The following PIK3CG variants were observed in gnomAD, a reference collection of about 807,000 sequenced individuals.
The protein encoded by PIK3CG is phosphatidylinositol 4,5-bisphosphate 3-kinase catalytic subunit gamma isoform.
Under a neutral mutation model 102.3 loss-of-function variants are expected in PIK3CG, and 55 were observed. The ratio of observed to expected loss-of-function variants is 0.54; its 90% CI spans 0.43 to 0.67. The LOEUF is 0.67. Ranked by LOEUF, PIK3CG falls within the 30% of genes least tolerant of loss-of-function variation. The pLI, the probability that PIK3CG is intolerant of heterozygous loss-of-function variation, is 0.00. For synonymous variants in PIK3CG, 552 were observed against 540.0 expected, an observed-to-expected ratio of 1.02 and a Z score of -0.31; for missense variants, 1,258 against 1,391.8, an observed-to-expected ratio of 0.90 and a Z score of 1.53.
At chr7:106,870,894 A>G (rs1007564784) in intron 2 of PIK3CG, among the ~76,000 whole-genome samples, 2 of 152,214 alleles carry the variant, frequency 1.3e-5, no homozygotes, top group African/African-American at 4.8e-5. Flanking sequence ...ACACTAAAGA[A>G]TTTTAGAATA....
At position 106,867,945 on chromosome 7, in the gene PIK3CG, G is replaced by A. The variant is rs201301560; in HGVS notation, c.384G>A (p.Thr128=). 2.5e-6 allele frequency: 4 copies of A among 1,613,150 alleles called. No individual in the cohort carries two copies. In the East Asian group the frequency reaches 6.7e-5, roughly 27 times the overall value. ...ACTGCCTGCGCTACTGGAAGGCCACGCACCGGAGCCCGGGCCAGATCCACC... is the reference window on the plus strand; with the variant it reads ...ACTGCCTGCGCTACTGGAAGGCCACACACCGGAGCCCGGGCCAGATCCACC... ...TLDCLRYWKA[T]HRSPGQIHLV... Residue 128 remains threonine, a synonymous_variant, in exon 2 of 11, where the codon ACG becomes ACA. Coordinates refer to ENST00000496166, the MANE Select transcript of PIK3CG (RefSeq NM_001282426.2). This position sits in a 1 kb window ranked among gnomAD's most constrained non-coding sequence, Gnocchi z 5.1.
At chr7:106,882,999 C>T in intron 7 of PIK3CG, 34 bp from the exon 8 acceptor site, 1 of 1,609,904 alleles carries the variant, frequency 6.2e-7, no homozygotes. Context: ...TACTGGCCCC[C>T]AATCTCCATC....
intron 10 of PIK3CG, among the ~76,000 whole-genome samples, chr7:106,896,902 A>G (rs1584346377): frequency 6.6e-6 from 1 of 152,178 alleles, no homozygotes; most frequent in East Asian, 1.9e-4. Flanking sequence ...CCTGACCTCA[A>G]TTATCATTGC....
rs777927009 is a variant in PIK3CG at position 106,899,524 on chromosome 7, T to C, written c.3031-5585T>C. 3.9e-5 allele frequency among the ~76,000 whole-genome samples: 6 copies of C among 152,234 alleles called. No homozygotes were observed. Among genetic ancestry groups the C allele is most frequent in the Non-Finnish European group, 7.3e-5 (5 of 68,030 alleles). ...TTGTCATAAATGGCTCTCATTATTT[T>C]GAGATATGTTCCTTCAATACCTAGT... On this transcript the variant is annotated intron_variant, in intron 10 of 10. Transcript: ENST00000496166. This position sits in a 1 kb window ranked among gnomAD's most constrained non-coding sequence, Gnocchi z 4.6.
At chr7:106,882,849 C>A in intron 7 of PIK3CG, 184 bp from the exon 8 acceptor site, 1 of 518,610 alleles carries the variant, frequency 1.9e-6, no homozygotes. Flanking sequence ...ACTTCCATAT[C>A]CTCCTTCTTT....
rs2116465915 is a variant in PIK3CG, at chr7:106,869,441, C to T, written c.1880C>T (p.Thr627Ile). Residue 627 changes from threonine to isoleucine, a missense_variant, in exon 2 of 11, where the codon ACA becomes ATA. Physicochemically the swap from Thr to Ile is moderately conservative, Grantham distance 89. This residue lies in a region of PIK3CG where 426 missense variants were observed against 604.2 expected (regional missense o/e 0.71). Coordinates refer to ENST00000496166, the MANE Select transcript of PIK3CG (RefSeq NM_001282426.2). The surrounding 1 kb of genome is among the most constrained non-coding windows in gnomAD (Gnocchi z 5.3). ...CAAAGTGCTTTGGATGTTGGGTTAA[C>T]AATGCAGCTCCTGGACTGCAACTTC... ...WDQSALDVGL[T>I]MQLLDCNFSD... The T allele has an allele frequency of 6.2e-7, 1 of 1,614,170 alleles. No homozygotes were observed. Among genetic ancestry groups the T allele is most frequent in the Non-Finnish European group, 8.5e-7 (1 of 1,180,028 alleles).
At chr7:106,882,278 G>C in intron 7 of PIK3CG, 71 bp downstream of exon 7, 1 of 655,062 alleles carries the variant, frequency 1.5e-6, no homozygotes, top group Non-Finnish European at 2.6e-6. Context: ...CTTCAGTGTA[G>C]ACATTTAATA....
In PIK3CG at chr7:106,905,229, A is replaced by G. The variant is rs2116618394; in HGVS notation, c.3151A>G (p.Ile1051Val). The G allele has an allele frequency of 4.3e-6, 7 of 1,614,190 alleles. No homozygotes were observed. The highest frequency in any genetic ancestry group is 5.9e-6 in the Non-Finnish European group (7 of 1,180,010). ...AACAAGCAAAGAAGACATTGAATAT[A>G]TCCGGGATGCCCTCACAGTGGGGAA... is the stretch of plus-strand genomic sequence containing the variant. ...QLTSKEDIEYIRDALTVGKNE... is the reference protein window; with the variant it reads ...QLTSKEDIEYVRDALTVGKNE... Residue 1051 changes from isoleucine (I) to valine (V), a missense_variant, in exon 11 of 11, where the codon ATC becomes GTC. Coordinates refer to ENST00000496166, the MANE Select transcript of PIK3CG (RefSeq NM_001282426.2). The surrounding 1 kb of genome is among the most constrained non-coding windows in gnomAD (Gnocchi z 5.6).
chr7:106,905,791 C>A lies in PIK3CG; in HGVS notation c.*404C>A. 1 of 261,074 alleles carries A rather than the reference C, an allele frequency of 3.8e-6. No individual in the cohort carries two copies. Among genetic ancestry groups the A allele is most frequent in the Non-Finnish European group, 7.3e-6 (1 of 136,428 alleles). 16.2% of individuals were successfully genotyped at this position (261,074 alleles called of 1,614,324 possible). ...TTTGGTTATCTTTGTGTTCCTCAAG[C>A]TCTTTAAAGAAAAAGATGTAATCGT... On this transcript the variant is annotated 3_prime_UTR_variant, in exon 11 of 11. Transcript: ENST00000496166. This position sits in a 1 kb window ranked among gnomAD's most constrained non-coding sequence, Gnocchi z 5.6.
intron 10 of PIK3CG, among the ~76,000 whole-genome samples, chr7:106,896,005 T>C (rs991567708): frequency 6.6e-6 from 1 of 152,250 alleles, no homozygotes; most frequent in African/African-American, 2.4e-5. Context: ...CTCGACACTG[T>C]GTTTGACAAG....
chr7:106,884,936 C>A lies in PIK3CG; in HGVS notation c.2872+670C>A, dbSNP rs1007779331. 8.5e-5 allele frequency among the ~76,000 whole-genome samples: 13 copies of A among 152,184 alleles called. No individual in the cohort carries two copies. The highest frequency in any genetic ancestry group is 2.4e-4 in the African/African-American group (10 of 41,444). On this transcript the variant is annotated intron_variant, in intron 9 of 10. Transcript: ENST00000496166. This position sits in a 1 kb window ranked among gnomAD's most constrained non-coding sequence, Gnocchi z 4.2. ...GCATTAGATTCTCATAAGGGGTGCACAGTCTAGATCTTTCTCGTGCACAGT... is the reference window on the plus strand; with the variant it reads ...GCATTAGATTCTCATAAGGGGTGCAAAGTCTAGATCTTTCTCGTGCACAGT...
rs1166952444 is a variant in PIK3CG at position 106,894,832 on chromosome 7, T to C, written c.3030+8540T>C. 6.6e-6 allele frequency among the ~76,000 whole-genome samples: 1 copy of C among 152,192 alleles called. No individual in the cohort carries two copies. Among genetic ancestry groups the C allele is most frequent in the Non-Finnish European group, 1.5e-5 (1 of 68,022 alleles). On this transcript the variant is annotated intron_variant, in intron 10 of 10. Transcript: ENST00000496166. This position sits in a 1 kb window ranked among gnomAD's most constrained non-coding sequence, Gnocchi z 4.4. The stretch of plus-strand genomic sequence containing the variant: ...AGCTCATCAGTGGTTAATAAATTAG[T>C]AGATTGTATATAAAAGTAGTTTGTT...
At position 106,882,223 on chromosome 7, in the gene PIK3CG, AG is replaced by A; in HGVS notation, c.2629+18del. Reference sequence around the variant, plus strand: ...GACAAAATAGGTATGTAGTTACCTCAGGAGATGAATAGACCTCTCAGCTCGT... The same window carrying A: ...GACAAAATAGGTATGTAGTTACCTCAGAGATGAATAGACCTCTCAGCTCGT... On this transcript the variant is annotated intron_variant, in intron 7 of 10. Coordinates refer to ENST00000496166, the MANE Select transcript of PIK3CG (RefSeq NM_001282426.2). 7.5e-7 allele frequency: 1 copy of A among 1,341,082 alleles called. No homozygotes were observed. The highest frequency in any genetic ancestry group is 2.0e-5 in the Admixed American group (1 of 50,490). 83.1% of individuals were successfully genotyped at this position (1,341,082 alleles called of 1,614,324 possible). A position where few individuals can be genotyped will look rare whatever the true frequency, so the allele number is the denominator to read the frequency against.
At chr7:106,882,573 C>T (rs1010640976) in intron 7 of PIK3CG, 5 of 177,980 alleles carry the variant, frequency 2.8e-5, no homozygotes, top group Non-Finnish European at 5.8e-5. Flanking sequence ...CCAGAATTCA[C>T]ATTATCAAAG....
intron 10 of PIK3CG, among the ~76,000 whole-genome samples, chr7:106,889,105 A>G (rs965410346): frequency 9.2e-5 from 14 of 152,154 alleles, no homozygotes; most frequent in African/African-American, 3.4e-4. Flanking sequence ...GGTAATATAT[A>G]AAACAAAGTA....
chr7:106,907,165 T>C lies in PIK3CG; in HGVS notation c.*1778T>C, dbSNP rs1791705572. 2 of 173,978 alleles carry C rather than the reference T, an allele frequency of 1.1e-5. No homozygotes were observed. The allele number at this position is 173,978 out of a possible 1,614,324, so 10.8% of individuals were successfully genotyped here. On this transcript the variant is annotated 3_prime_UTR_variant, in exon 11 of 11. Transcript: ENST00000496166. ...TAAAAACACCCTTGCCTGCGCTCCA[T>C]TCCCAGGTTATAATTTAATTACTGT...
rs2116468979 is a variant in PIK3CG at position 106,869,597 on chromosome 7, G to A, written c.1995+41G>A. On this transcript the variant is annotated intron_variant, in intron 2 of 10. Coordinates refer to ENST00000496166, the MANE Select transcript of PIK3CG (RefSeq NM_001282426.2). The surrounding 1 kb of genome is among the most constrained non-coding windows in gnomAD (Gnocchi z 5.3). ...GTTATCAATGGAAGCCTTCTCAAAAGGAATTGATTTGCATATGCACAGGCA... is the reference window on the plus strand; with the variant it reads ...GTTATCAATGGAAGCCTTCTCAAAAAGAATTGATTTGCATATGCACAGGCA... 6.0e-6 allele frequency: 9 copies of A among 1,493,348 alleles called. No individual in the cohort carries two copies. Among genetic ancestry groups the A allele is most frequent in the Non-Finnish European group, 8.1e-6 (9 of 1,107,260 alleles). The allele number at this position is 1,493,348 out of a possible 1,614,324, so 92.5% of individuals were successfully genotyped here.
rs1161723898 is a variant in PIK3CG, at chr7:106,867,362, G to A, written c.-12-188G>A. 6.6e-6 allele frequency among the ~76,000 whole-genome samples: 1 copy of A among 152,164 alleles called. No individual in the cohort carries two copies. Among genetic ancestry groups the A allele is most frequent in the Non-Finnish European group, 1.5e-5 (1 of 68,026 alleles). The stretch of plus-strand genomic sequence containing the variant: ...ACCCAGAAAGTAAGTGGCTGGGCCA[G>A]GACTCACCGGCCCGACTCCAAAGCC... On this transcript the variant is annotated intron_variant, in intron 1 of 10. Coordinates refer to ENST00000496166, the MANE Select transcript of PIK3CG (RefSeq NM_001282426.2). This position sits in a 1 kb window ranked among gnomAD's most constrained non-coding sequence, Gnocchi z 5.1.
Position 106,869,411 on chromosome 7 carries a change from G to C in PIK3CG, c.1850G>C (p.Trp617Ser), listed in dbSNP as rs780323892. ...TYQLLARREV[W>S]DQSALDVGLT... ...CAATTGTTGGCCAGAAGGGAAGTCT[G>C]GGATCAAAGTGCTTTGGATGTTGGG... The change falls in exon 2 of 11, where the codon TGG (tryptophan) becomes TCG (serine). Residue 617 changes from tryptophan (W) to serine (S), a missense_variant. By Grantham distance (177) the Trp-to-Ser change is radical. Around this residue, in one of 2 missense-constraint regions of PIK3CG, gnomAD observed 426 missense variants for 604.2 expected, o/e 0.71. Transcript: ENST00000496166. The surrounding 1 kb of genome is among the most constrained non-coding windows in gnomAD (Gnocchi z 5.3). 50 of 1,614,128 alleles carry C rather than the reference G, an allele frequency of 3.1e-5. 1 individual carries two copies. The South Asian group carries it at 4.8e-4, about 16-fold the overall frequency.
Sources: gnomAD v4.1 joint callset for allele counts (sites outside exome capture counted in the v4.1 genomes callset) on GRCh38, gnomAD v4.1.1 for gene constraint, gnomAD v4.1.1 regional missense constraint, Gnocchi (gnomAD v3.1) non-coding constraint, MANE v1.5 for transcripts, NCBI Gene and HGNC (gene_info 2026-07-23, HGNC 2026-07-21) for gene names.